LMBR1: variants seen among roughly 807,000 people sequenced by gnomAD.
LMBR1 encodes the protein limb development membrane protein 1, also known as limb region 1 protein homolog.
Under a neutral mutation model 73.9 loss-of-function variants are expected in LMBR1, and 52 were observed. That is an observed-to-expected ratio of 0.70 (90% confidence interval 0.56 to 0.89). The LOEUF (loss-of-function observed/expected upper bound fraction) is 0.89, where lower values mean the gene tolerates loss of function less well. Ranked by LOEUF, LMBR1 falls within the 40% of genes least tolerant of loss-of-function variation. The pLI, the probability that LMBR1 is intolerant of heterozygous loss-of-function variation, is 0.00. For missense variants in LMBR1, 539 were observed against 579.8 expected, an observed-to-expected ratio of 0.93 and a Z score of 0.72; for synonymous variants, 215 against 209.4, an observed-to-expected ratio of 1.03 and a Z score of -0.23.
intron 4 of LMBR1, among the ~76,000 whole-genome samples, chr7:156,809,522 C>T (rs1324199165): frequency 6.6e-6 from 1 of 152,188 alleles, no homozygotes; most frequent in Non-Finnish European, 1.5e-5. Context: ...ATACCTAATA[C>T]AGTGTAAATC....
chr7:156,767,187 G>C (rs896635156), intron 5 of LMBR1, among the ~76,000 whole-genome samples: 9 of 152,158 alleles, frequency 5.9e-5, no homozygotes, highest in Non-Finnish European at 1.0e-4. Flanking sequence ...CCCTGAGCAT[G>C]CAGGGGAACT....
chr7:156,742,136 C>T (rs1819011487), intron 9 of LMBR1, among the ~76,000 whole-genome samples: 1 of 151,940 alleles, frequency 6.6e-6, no homozygotes, highest in South Asian at 2.1e-4. Context: ...CTACAGGATG[C>T]AGCAAAAGCA....
chr7:156,814,987 T>A (rs1191737436), intron 4 of LMBR1, among the ~76,000 whole-genome samples: 1 of 151,608 alleles, frequency 6.6e-6, no homozygotes, highest in African/African-American at 2.4e-5. Flanking sequence ...AAAAACCCCA[T>A]CTCTATTAAA....
intron 4 of LMBR1, among the ~76,000 whole-genome samples, chr7:156,810,574 G>A (rs1482690803): frequency 6.6e-6 from 1 of 151,600 alleles, no homozygotes. Context: ...TGTATTTTTA[G>A]TAAAAATGGT....
At chr7:156,885,551 A>T (rs1477814506) in intron 1 of LMBR1, among the ~76,000 whole-genome samples, 1 of 151,616 alleles carries the variant, frequency 6.6e-6, no homozygotes, top group Non-Finnish European at 1.5e-5. Flanking sequence ...GGAGAGTTCA[A>T]GACCAGTCTG....
Position 156,681,672 on chromosome 7 carries a change from A to T in LMBR1, c.*2406T>A, listed in dbSNP as rs1435953048. The T allele has an allele frequency of 6.6e-6, 1 of 152,382 alleles. No homozygotes were observed. Among genetic ancestry groups the T allele is most frequent in the African/African-American group, 2.4e-5 (1 of 41,462 alleles). The allele number at this position is 152,382 out of a possible 1,614,324, so 9.4% of individuals were successfully genotyped here. Reference sequence around the variant, plus strand: ...AAAAGGACTGCTTGATGTGACAGTCACTGGTGCATCCCTATCCAGTCAGAA... The same window carrying T: ...AAAAGGACTGCTTGATGTGACAGTCTCTGGTGCATCCCTATCCAGTCAGAA... On this transcript the variant is annotated 3_prime_UTR_variant, in exon 17 of 17. Coordinates refer to ENST00000353442, the MANE Select transcript of LMBR1 (RefSeq NM_022458.4).
At chr7:156,776,121 T>TA (rs1563333300) in intron 5 of LMBR1, among the ~76,000 whole-genome samples, 3 of 148,510 alleles carry the variant, frequency 2.0e-5, no homozygotes, top group Non-Finnish European at 4.5e-5. Flanking sequence ...TATATATATT[T>TA]TATATATATA....
chr7:156,691,661 T>C (rs1807202236), intron 15 of LMBR1, among the ~76,000 whole-genome samples: 2 of 152,200 alleles, frequency 1.3e-5, no homozygotes, highest in African/African-American at 4.8e-5. Flanking sequence ...TTATATATGT[T>C]GGCATTTACA....
chr7:156,727,472 T>C (rs771660845), intron 12 of LMBR1, among the ~76,000 whole-genome samples: 6 of 152,126 alleles, frequency 3.9e-5, no homozygotes, highest in African/African-American at 7.2e-5. Flanking sequence ...AGACTGTACA[T>C]GGCAAAGGGT....
intron 1 of LMBR1, among the ~76,000 whole-genome samples, chr7:156,868,374 T>C (rs1434403644): frequency 6.6e-6 from 1 of 151,940 alleles, no homozygotes; most frequent in African/African-American, 2.4e-5. Context: ...AAGGAAACCT[T>C]CTAAAGACTT....
chr7:156,760,254 A>C (rs1401279110), intron 8 of LMBR1, among the ~76,000 whole-genome samples: 1 of 151,856 alleles, frequency 6.6e-6, no homozygotes, highest in Non-Finnish European at 1.5e-5. Flanking sequence ...GGGGTTCACT[A>C]TATTTAACAT....
At chr7:156,886,575 T>C (rs187531366) in intron 1 of LMBR1, among the ~76,000 whole-genome samples, 1 of 152,250 alleles carries the variant, frequency 6.6e-6, no homozygotes, top group Admixed American at 6.5e-5. Flanking sequence ...CTGAAATCAG[T>C]CTCTTGTCCA....
At chr7:156,696,874 A>G (rs1209600952) in intron 15 of LMBR1, among the ~76,000 whole-genome samples, 1 of 152,190 alleles carries the variant, frequency 6.6e-6, no homozygotes, top group African/African-American at 2.4e-5. Context: ...TTTCAGCATT[A>G]ACTCAAAAGT....
intron 4 of LMBR1, among the ~76,000 whole-genome samples, chr7:156,806,600 T>C (rs1832153077): frequency 3.7e-5 from 2 of 53,650 alleles, no homozygotes; most frequent in African/African-American, 1.9e-4. Context: ...TGTAGATGCT[T>C]TTTTTTTTTT....
chr7:156,725,029 G>A (rs1023885133), intron 14 of LMBR1, among the ~76,000 whole-genome samples: 7 of 152,018 alleles, frequency 4.6e-5, no homozygotes, highest in East Asian at 3.8e-4. Flanking sequence ...GAACTCTTCC[G>A]TCTTACTTTA....
Position 156,769,402 on chromosome 7 carries a change from G to A in LMBR1, c.424-5607C>T, listed in dbSNP as rs73741533. Among the ~76,000 whole-genome samples, 2,007 of 152,218 alleles carry A rather than the reference G, an allele frequency of 0.013. 51 individuals carry two copies. The highest frequency in any genetic ancestry group is 0.046 in the African/African-American group (1,909 of 41,530). On this transcript the variant is annotated intron_variant, in intron 5 of 16. Coordinates refer to ENST00000353442, the MANE Select transcript of LMBR1 (RefSeq NM_022458.4). ...CACCATTCAGACTCATTACAGGTAG[G>A]AGTAATGTAATTACCAGGGGCCCTT...
chr7:156,871,040 T>C (rs1799210615), intron 1 of LMBR1, among the ~76,000 whole-genome samples: 1 of 151,390 alleles, frequency 6.6e-6, no homozygotes, highest in African/African-American at 2.4e-5. Context: ...TTTGAAAAGA[T>C]TTAAAACTGA....
At chr7:156,858,724 G>A (rs12530540) in intron 1 of LMBR1, among the ~76,000 whole-genome samples, 15,200 of 151,856 alleles carry the variant, frequency 0.1, 861 homozygotes, top group African/African-American at 0.13. Context: ...CAACCAAGTG[G>A]GAATTATCTA....
chr7:156,824,068 T>C (rs112714591), intron 4 of LMBR1: 4,846 of 151,682 alleles, frequency 0.032, 124 homozygotes, highest in South Asian at 0.085. Flanking sequence ...CCAGCCTGGG[T>C]GACAGAGAGA....
Sources: allele counts gnomAD v4.1 joint callset (sites outside exome capture counted in the v4.1 genomes callset), GRCh38; gene constraint gnomAD v4.1.1; transcripts MANE v1.5; gene names NCBI Gene and HGNC (gene_info 2026-07-23, HGNC 2026-07-21).